Variants in IL1RAP observed in about 807,000 individuals in gnomAD.
IL1RAP encodes interleukin-1 receptor accessory protein.
IL1RAP carries 35 observed loss-of-function variants against 60.7 expected under a neutral mutation model. The observed-to-expected ratio is 0.58, with a 90% CI of 0.44 to 0.76. The LOEUF (loss-of-function observed/expected upper bound fraction) is 0.76, where lower values mean the gene tolerates loss of function less well. IL1RAP is among the 30% of genes least tolerant of loss of function. The pLI is 0.00. For missense variants in IL1RAP, 572 were observed against 693.9 expected (o/e 0.82, Z 1.97); for synonymous variants, 268 against 250.9 (o/e 1.07, Z -0.64).
chr3:190,565,104 T>G (rs1726263624), intron 3 of IL1RAP, among the ~76,000 whole-genome samples: 1 of 152,006 alleles, frequency 6.6e-6, no homozygotes, highest in South Asian at 2.1e-4. Context: ...TCTCTTTGAT[T>G]TTAGTATCTA....
At chr3:190,526,109 A>G (rs1303403474) in intron 1 of IL1RAP, among the ~76,000 whole-genome samples, 1 of 152,250 alleles carries the variant, frequency 6.6e-6, no homozygotes, top group Non-Finnish European at 1.5e-5. Flanking sequence ...GGGCCCGTGC[A>G]CATATAATCT....
chr3:190,611,732 A>G (rs1373781743), intron 5 of IL1RAP, among the ~76,000 whole-genome samples: 1 of 152,160 alleles, frequency 6.6e-6, no homozygotes, highest in Non-Finnish European at 1.5e-5. Flanking sequence ...TTGCTTTATA[A>G]TAACTCATTA....
chr3:190,620,231 C>G lies in IL1RAP; in HGVS notation c.538-44C>G, dbSNP rs954322886. The G allele has an allele frequency of 2.8e-6, 3 of 1,085,966 alleles. No homozygotes were observed. In the African/African-American group the frequency reaches 5.0e-5, roughly 18 times the overall value. The allele number at this position is 1,085,966 out of a possible 1,614,324, so 67.3% of individuals were successfully genotyped here. The stretch of plus-strand genomic sequence containing the variant: ...TGCGTGTGTTTGTATGTTTTCTATG[C>G]ATGTATCTAAAAAGTAAACTTTTTT... On this transcript the variant is annotated intron_variant, in intron 5 of 11. Transcript: ENST00000447382.
chr3:190,573,519 G>A (rs531205436), intron 3 of IL1RAP, among the ~76,000 whole-genome samples: 2 of 152,266 alleles, frequency 1.3e-5, no homozygotes, highest in African/African-American at 4.8e-5. Context: ...TCTCCCTCCC[G>A]CTGCATGCAG....
chr3:190,591,883 T>C (rs1408668351), intron 3 of IL1RAP, among the ~76,000 whole-genome samples: 2 of 152,214 alleles, frequency 1.3e-5, no homozygotes, highest in Non-Finnish European at 2.9e-5. Context: ...TGACACAGCC[T>C]GTTTATTTAT....
chr3:190,558,683 A>C (rs970688408), intron 2 of IL1RAP, among the ~76,000 whole-genome samples: 1 of 152,024 alleles, frequency 6.6e-6, no homozygotes, highest in Non-Finnish European at 1.5e-5. Context: ...ATTTTTCTCA[A>C]TGTCTTAGGG....
intron 3 of IL1RAP, among the ~76,000 whole-genome samples, chr3:190,580,571 A>G (rs1560186644): frequency 1.3e-5 from 2 of 152,326 alleles, no homozygotes; most frequent in South Asian, 2.1e-4. Context: ...ACATGATGCT[A>G]TTTACATGAG....
Position 190,568,005 on chromosome 3 carries a change from A to G in IL1RAP, c.64+3652A>G, listed in dbSNP as rs185963681. Among the ~76,000 whole-genome samples the G allele has an allele frequency of 2.1e-3, 318 of 152,290 alleles. 3 individuals carry two copies. The highest frequency in any genetic ancestry group is 3.6e-3 in the Admixed American group (55 of 15,290). On this transcript the variant is annotated intron_variant, in intron 3 of 11. Coordinates refer to ENST00000447382, the MANE Select transcript of IL1RAP (RefSeq NM_002182.4). ...GTAGACATAAATTTTGGAACCTGTGATCCCAAGTTGAGGAGGTAATAAAAA... is the reference window on the plus strand; with the variant it reads ...GTAGACATAAATTTTGGAACCTGTGGTCCCAAGTTGAGGAGGTAATAAAAA...
At chr3:190,579,260 A>G (rs574038454) in intron 3 of IL1RAP, among the ~76,000 whole-genome samples, 1 of 152,182 alleles carries the variant, frequency 6.6e-6, no homozygotes, top group Non-Finnish European at 1.5e-5. Flanking sequence ...TGCAATAAAC[A>G]TATGTTGTAT....
chr3:190,576,742 T>A (rs77090214), intron 3 of IL1RAP, among the ~76,000 whole-genome samples: 2,279 of 152,292 alleles, frequency 0.015, 61 homozygotes, highest in African/African-American at 0.05. Context: ...AATCTTGTAA[T>A]GAACCATACA....
chr3:190,522,111 C>T (rs1271024752), intron 1 of IL1RAP, among the ~76,000 whole-genome samples: 2 of 152,044 alleles, frequency 1.3e-5, no homozygotes, highest in East Asian at 1.9e-4. Context: ...ACTTCAGTTT[C>T]CCAATTACAG....
intron 9 of IL1RAP, chr3:190,629,747 T>A: frequency 1.7e-6 from 2 of 1,185,446 alleles, no homozygotes; most frequent in East Asian, 3.8e-5. Flanking sequence ...GTGAGTACAG[T>A]GAGACACAAT....
intron 3 of IL1RAP, among the ~76,000 whole-genome samples, chr3:190,594,844 G>T (rs1338824813): frequency 2.0e-5 from 3 of 152,174 alleles, no homozygotes; most frequent in African/African-American, 7.2e-5. Context: ...CAGTTTATGT[G>T]TGGTGCTGTT....
chr3:190,603,155 TC>T (rs1285499912), intron 3 of IL1RAP, among the ~76,000 whole-genome samples: 1 of 152,130 alleles, frequency 6.6e-6, no homozygotes, highest in Admixed American at 6.6e-5. Flanking sequence ...ATTGGAAAAC[TC>T]ACAGTTTCAA....
chr3:190,621,018 G>A (rs1383685813), intron 6 of IL1RAP, among the ~76,000 whole-genome samples: 2 of 152,144 alleles, frequency 1.3e-5, no homozygotes, highest in Admixed American at 1.3e-4. Context: ...AGTGGGAAAG[G>A]CAATTCTTAG....
chr3:190,651,528 A>C (rs961272756), downstream of IL1RAP: 3 of 329,626 alleles, frequency 9.1e-6, no homozygotes, highest in African/African-American at 6.7e-5. Context: ...TATTTTGTGC[A>C]TGTGTTTTAT....
At chr3:190,537,767 G>A (rs144690254) in intron 1 of IL1RAP, among the ~76,000 whole-genome samples, 3 of 151,956 alleles carry the variant, frequency 2.0e-5, no homozygotes, top group South Asian at 2.1e-4. Context: ...TCTTTTTGGC[G>A]ATCAGATACC....
intron 9 of IL1RAP, among the ~76,000 whole-genome samples, chr3:190,630,848 C>A (rs187717862): frequency 3.3e-5 from 5 of 152,240 alleles, no homozygotes; most frequent in African/African-American, 1.2e-4. Flanking sequence ...TCTCTCTGAG[C>A]CTTAATTTCC....
At chr3:190,597,025 A>C (rs745648955) in intron 3 of IL1RAP, among the ~76,000 whole-genome samples, 1 of 152,244 alleles carries the variant, frequency 6.6e-6, no homozygotes, top group African/African-American at 2.4e-5. Context: ...AATAATGTTT[A>C]TGAATGCTAA....
Sources: gnomAD v4.1 joint callset for allele counts (sites outside exome capture counted in the v4.1 genomes callset) on GRCh38, gnomAD v4.1.1 for gene constraint, MANE v1.5 for transcripts, NCBI Gene and HGNC (gene_info 2026-07-23, HGNC 2026-07-21) for gene names.